The following UNC13C variants were observed in gnomAD, a reference collection of about 807,000 sequenced individuals.
The protein encoded by UNC13C is unc-13 homolog C, also known as protein unc-13 homolog C.
Under a neutral mutation model 245.4 loss-of-function variants are expected in UNC13C, and 174 were observed. That is an observed-to-expected ratio of 0.71 (90% CI 0.63 to 0.80). The LOEUF is 0.80. Among genes scored for constraint, UNC13C ranks in the 30% least tolerant of loss-of-function variants. The probability of loss-of-function intolerance (pLI) is 0.00; values close to 1 mark genes in which losing one functional copy is unlikely to be tolerated. For synonymous variants in UNC13C, 992 were observed against 895.1 expected (o/e 1.11, Z -1.93); for missense variants, 2,829 against 2,602.9 (o/e 1.09, Z -1.89).
intron 2 of UNC13C, among the ~76,000 whole-genome samples, chr15:54,054,057 G>C (rs1248391731): frequency 6.6e-6 from 1 of 152,088 alleles, no homozygotes; most frequent in Non-Finnish European, 1.5e-5. Context: ...TCCAAATCTT[G>C]GCTATTGTGA....
chr15:54,093,004 C>G (rs1238435775), intron 2 of UNC13C, among the ~76,000 whole-genome samples: 2 of 152,242 alleles, frequency 1.3e-5, no homozygotes, highest in South Asian at 4.1e-4. Flanking sequence ...AATCCCTTAG[C>G]TTTCAAGATT....
chr15:54,418,618 A>G (rs966071793), intron 19 of UNC13C, among the ~76,000 whole-genome samples: 10 of 152,150 alleles, frequency 6.6e-5, no homozygotes, highest in African/African-American at 1.7e-4. Flanking sequence ...AAGATCTGAA[A>G]TCACAATAAG....
At chr15:54,615,879 A>C (rs1900402802) in intron 30 of UNC13C, among the ~76,000 whole-genome samples, 1 of 152,048 alleles carries the variant, frequency 6.6e-6, no homozygotes, top group Non-Finnish European at 1.5e-5. Flanking sequence ...CTGAAAAATA[A>C]GACCTACCAC....
chr15:53,941,208 C>A, the UNC13C span, among the ~76,000 whole-genome samples: 1 of 152,186 alleles, frequency 6.6e-6, no homozygotes, highest in South Asian at 2.1e-4. Flanking sequence ...GAAAATGATC[C>A]CCTATTTAAT....
chr15:54,341,222 T>C (rs775833740), intron 17 of UNC13C, among the ~76,000 whole-genome samples: 18 of 152,172 alleles, frequency 1.2e-4, no homozygotes, highest in Non-Finnish European at 2.1e-4. Context: ...CCATCCATGG[T>C]GGACTGGATA....
At chr15:54,622,202 G>A (rs549206509) in intron 30 of UNC13C, 125 bp from the exon 31 acceptor site, 19 of 670,238 alleles carry the variant, frequency 2.8e-5, no homozygotes, top group South Asian at 7.1e-5. Flanking sequence ...CACCTATTAC[G>A]CACTATTAAT....
intron 1 of UNC13C, among the ~76,000 whole-genome samples, chr15:54,004,672 G>GTTA (rs748832514): frequency 6.6e-6 from 1 of 152,156 alleles, no homozygotes; most frequent in African/African-American, 2.4e-5. Flanking sequence ...ACCAGCATTT[G>GTTA]TTATTGCCTG....
At chr15:54,346,828 C>T (rs1280311550) in intron 17 of UNC13C, among the ~76,000 whole-genome samples, 3 of 152,194 alleles carry the variant, frequency 2.0e-5, no homozygotes, top group Admixed American at 6.5e-5. Context: ...AATCTATAAA[C>T]TGGATAGATA....
chr15:54,251,585 TCA>T (rs756606220), intron 8 of UNC13C, among the ~76,000 whole-genome samples: 2 of 152,220 alleles, frequency 1.3e-5, no homozygotes, highest in Non-Finnish European at 2.9e-5. Flanking sequence ...TGCTAATGCA[TCA>T]CATTGTAAAA....
At chr15:53,932,175 G>T in the UNC13C span, among the ~76,000 whole-genome samples, 1 of 152,038 alleles carries the variant, frequency 6.6e-6, no homozygotes, top group Non-Finnish European at 1.5e-5. Flanking sequence ...TGGGCGTGGT[G>T]GCACGTGCCT....
chr15:54,338,673 T>A (rs779442904), intron 17 of UNC13C, among the ~76,000 whole-genome samples, 184 bp downstream of exon 17: 2 of 152,198 alleles, frequency 1.3e-5, no homozygotes, highest in Non-Finnish European at 2.9e-5. Flanking sequence ...ACTAATTCGC[T>A]CCTTAAAATA....
intron 30 of UNC13C, among the ~76,000 whole-genome samples, chr15:54,615,157 C>A (rs931677751): frequency 6.6e-6 from 1 of 151,942 alleles, no homozygotes; most frequent in African/African-American, 2.4e-5. Context: ...GTGAAATAAG[C>A]ACATCCTGGG....
chr15:54,236,863 A>G (rs2035714181), intron 6 of UNC13C, among the ~76,000 whole-genome samples: 2 of 152,318 alleles, frequency 1.3e-5, no homozygotes, highest in Non-Finnish European at 1.5e-5. Flanking sequence ...GCATTATTCC[A>G]CAATGACATC....
intron 1 of UNC13C, among the ~76,000 whole-genome samples, chr15:54,001,148 A>G (rs1238248014): frequency 1.3e-5 from 2 of 152,144 alleles, no homozygotes; most frequent in African/African-American, 2.4e-5. Context: ...TAAATTTATT[A>G]CTTTTTTCCA....
intron 17 of UNC13C, among the ~76,000 whole-genome samples, chr15:54,380,139 C>G (rs1310356040): frequency 1.3e-5 from 2 of 152,016 alleles, no homozygotes; most frequent in African/African-American, 4.8e-5. Flanking sequence ...GCCCCCACCC[C>G]CAACCCTACC....
chr15:54,325,347 C>T (rs2038271593), intron 14 of UNC13C, among the ~76,000 whole-genome samples: 1 of 151,898 alleles, frequency 6.6e-6, no homozygotes, highest in South Asian at 2.1e-4. Flanking sequence ...AAAGACATAG[C>T]CACCTAGTTG....
intron 2 of UNC13C, among the ~76,000 whole-genome samples, chr15:54,086,087 T>C (rs1899223955): frequency 1.3e-5 from 2 of 152,176 alleles, no homozygotes. Flanking sequence ...CTCACAATCC[T>C]CTCTTTTAGC....
chr15:54,337,100 T>C (rs1244546680), intron 16 of UNC13C, among the ~76,000 whole-genome samples: 1 of 152,174 alleles, frequency 6.6e-6, no homozygotes, highest in Non-Finnish European at 1.5e-5. Context: ...CAAAAATAAT[T>C]TGTCAACATC....
intron 1 of UNC13C, among the ~76,000 whole-genome samples, chr15:53,998,174 T>G (rs998156261): frequency 5.3e-5 from 8 of 152,186 alleles, no homozygotes; most frequent in African/African-American, 1.7e-4. Flanking sequence ...TTTTAGCATT[T>G]TATTTCCAAA....
Sources: allele counts gnomAD v4.1 joint callset (sites outside exome capture counted in the v4.1 genomes callset), GRCh38; gene constraint gnomAD v4.1.1; transcripts MANE v1.5; gene names NCBI Gene and HGNC (gene_info 2026-07-23, HGNC 2026-07-21).